Variants in CCDC152 observed in about 807,000 individuals in gnomAD.
CCDC152 encodes the protein coiled-coil domain containing 152, also known as coiled-coil domain-containing protein 152.
Under a neutral mutation model 38.1 loss-of-function variants are expected in CCDC152, and 37 were observed. The observed-to-expected ratio is 0.97, with a 90% CI of 0.75 to 1.28. The LOEUF is 1.28. CCDC152 is among the 50% of genes most tolerant of loss of function. CCDC152 has a pLI of 0.00. For synonymous variants in CCDC152, 83 were observed against 87.1 expected (o/e 0.95, Z 0.26); for missense variants, 259 against 292.1 (o/e 0.89, Z 0.83).
Position 42,799,364 on chromosome 5 carries a change from A to G in CCDC152, c.559-11A>G. 1 of 1,438,508 alleles carries G rather than the reference A, an allele frequency of 7.0e-7. No individual in the cohort carries two copies. Among genetic ancestry groups the G allele is most frequent in the Non-Finnish European group, 9.4e-7 (1 of 1,060,250 alleles). 89.1% of individuals were successfully genotyped at this position (1,438,508 alleles called of 1,614,324 possible). ...TAGAGTTTCAATAACTTTCTTTTCAATTTGATTCAGTTTGATGCCAAACTA... is the reference window on the plus strand; with the variant it reads ...TAGAGTTTCAATAACTTTCTTTTCAGTTTGATTCAGTTTGATGCCAAACTA... On this transcript the variant is annotated splice_polypyrimidine_tract_variant and intron_variant, in intron 7 of 8. Transcript: ENST00000361970.
At chr5:42,768,586 C>T (rs761479331) in intron 3 of CCDC152, among the ~76,000 whole-genome samples, 1 of 152,186 alleles carries the variant, frequency 6.6e-6, no homozygotes, top group South Asian at 2.1e-4. Flanking sequence ...AGCACAGTTG[C>T]TGAAGCCTTG....
At position 42,769,615 on chromosome 5, in the gene CCDC152, A is replaced by G. The variant is rs1317201520; in HGVS notation, c.212A>G (p.Asn71Ser). 1 of 1,492,530 alleles carries G rather than the reference A, an allele frequency of 6.7e-7. No homozygotes were observed. Among genetic ancestry groups the G allele is most frequent in the Admixed American group, 2.4e-5 (1 of 40,906 alleles). 92.5% of individuals were successfully genotyped at this position (1,492,530 alleles called of 1,614,324 possible). A position where few individuals can be genotyped will look rare whatever the true frequency, so the allele number is the denominator to read the frequency against. The change falls in exon 4 of 9, where the codon AAT (asparagine) becomes AGT (serine). Residue 71 changes from asparagine (N) to serine (S), a missense_variant. By Grantham distance (46) the Asn-to-Ser change is conservative (BLOSUM62 1). Transcript: ENST00000361970. ...SIKEECATLH[N>S]IIKGLQQTIE... is the part of the protein sequence containing the mutation. The stretch of plus-strand genomic sequence containing the variant: ...ATTTCAGAATGTGCTACTCTTCATA[A>G]TATAATAAAAGGGCTACAACAGACC...
chr5:42,767,919 T>C (rs1759647261), intron 3 of CCDC152, among the ~76,000 whole-genome samples: 1 of 152,198 alleles, frequency 6.6e-6, no homozygotes, highest in South Asian at 2.1e-4. Context: ...AAGCAGATTC[T>C]CAGCTAATTT....
chr5:42,774,646 A>G (rs990504129), intron 4 of CCDC152, among the ~76,000 whole-genome samples: 1 of 152,152 alleles, frequency 6.6e-6, no homozygotes, highest in Non-Finnish European at 1.5e-5. Flanking sequence ...TTACTGAAAG[A>G]CTGAGACCTA....
chr5:42,768,088 C>T (rs914475444), intron 3 of CCDC152, among the ~76,000 whole-genome samples: 2 of 152,152 alleles, frequency 1.3e-5, no homozygotes, highest in African/African-American at 4.8e-5. Context: ...AAGCTTTAAA[C>T]TTCTGCAAAA....
In CCDC152 at chr5:42,801,124, TATG is replaced by T. The variant is rs778708590; in HGVS notation, c.*1344_*1346del. On this transcript the variant is annotated 3_prime_UTR_variant, in exon 9 of 9. Coordinates refer to ENST00000361970, the MANE Select transcript of CCDC152 (RefSeq NM_001134848.2). ...CCCTGCCTATGCTGACCCTTGTGCT[TATG>T]GTGGTGATGAAGGCCTGGAGGAGCA... 1.4e-5 allele frequency: 22 copies of T among 1,614,022 alleles called. No homozygotes were observed. The highest frequency in any genetic ancestry group is 1.0e-5 in the Non-Finnish European group (12 of 1,180,028).
intron 6 of CCDC152, among the ~76,000 whole-genome samples, chr5:42,789,955 A>G (rs1483087520): frequency 6.6e-6 from 1 of 152,258 alleles, no homozygotes; most frequent in Non-Finnish European, 1.5e-5. Flanking sequence ...AGCACCAACA[A>G]TAAAGGCAAA....
intron 3 of CCDC152, among the ~76,000 whole-genome samples, chr5:42,763,961 A>C (rs927298095): frequency 1.3e-5 from 2 of 152,224 alleles, no homozygotes; most frequent in African/African-American, 4.8e-5. Flanking sequence ...AAAAATTAAT[A>C]AACTTTTTGG....
At position 42,793,401 on chromosome 5, in the gene CCDC152, C is replaced by T. The variant is rs547324543; in HGVS notation, c.431-3428C>T. ...GGTCCTCGAAACTCCTCAAACTATA[C>T]GCCTCAAAAGAGATTTTGCTATATA... On this transcript the variant is annotated intron_variant, in intron 6 of 8. Transcript: ENST00000361970. Among the ~76,000 whole-genome samples, 43 of 152,142 alleles carry T rather than the reference C, an allele frequency of 2.8e-4. No individual in the cohort carries two copies. The South Asian group carries it at 3.1e-3, about 11-fold the overall frequency.
intron 4 of CCDC152, among the ~76,000 whole-genome samples, chr5:42,770,107 T>C (rs971819321): frequency 2.6e-5 from 4 of 152,252 alleles, no homozygotes; most frequent in Non-Finnish European, 5.9e-5. Flanking sequence ...ATTCAGCTTA[T>C]CTTATCTGTA....
chr5:42,796,603 C>A (rs1760079482), intron 6 of CCDC152, among the ~76,000 whole-genome samples: 1 of 152,138 alleles, frequency 6.6e-6, no homozygotes. Context: ...GTTTAAATTA[C>A]CTTATTCATT....
intron 6 of CCDC152, among the ~76,000 whole-genome samples, chr5:42,788,064 T>G (rs1759946379): frequency 6.6e-6 from 1 of 152,244 alleles, no homozygotes; most frequent in Non-Finnish European, 1.5e-5. Flanking sequence ...GCTTTTATGA[T>G]AGCAAGTATT....
chr5:42,800,923 C>A lies in CCDC152; in HGVS notation c.*1142C>A. 1.9e-6 allele frequency: 3 copies of A among 1,614,226 alleles called. No homozygotes were observed. Among genetic ancestry groups the A allele is most frequent in the African/African-American group, 1.3e-5 (1 of 75,046 alleles). ...TTTTCTTTACACTGTCAGGTGATTG[C>A]AGACCCTGTTTTTTCAAATATCAGA... On this transcript the variant is annotated 3_prime_UTR_variant, in exon 9 of 9. Transcript: ENST00000361970.
At chr5:42,766,136 A>G (rs1759621570) in intron 3 of CCDC152, among the ~76,000 whole-genome samples, 1 of 152,210 alleles carries the variant, frequency 6.6e-6, no homozygotes, top group South Asian at 2.1e-4. Flanking sequence ...AAGAAGACAT[A>G]CAAATGGTAA....
Position 42,799,981 on chromosome 5 carries a change from G to T in CCDC152, c.*200G>T. The T allele has an allele frequency of 1.8e-6, 1 of 561,860 alleles. No individual in the cohort carries two copies. Among genetic ancestry groups the T allele is most frequent in the Non-Finnish European group, 3.0e-6 (1 of 333,422 alleles). The allele number at this position is 561,860 out of a possible 1,614,324, so 34.8% of individuals were successfully genotyped here. Reference sequence around the variant, plus strand: ...TAGTATTAACCATAAAGGAGGTCAGGTTTATAGGGTTTGGTTTACCTATTA... The same window carrying T: ...TAGTATTAACCATAAAGGAGGTCAGTTTTATAGGGTTTGGTTTACCTATTA... On this transcript the variant is annotated 3_prime_UTR_variant, in exon 9 of 9. Coordinates refer to ENST00000361970, the MANE Select transcript of CCDC152 (RefSeq NM_001134848.2).
intron 3 of CCDC152, among the ~76,000 whole-genome samples, chr5:42,764,470 A>AT (rs1229271802): frequency 3.3e-5 from 5 of 152,090 alleles, no homozygotes; most frequent in Non-Finnish European, 5.9e-5. Context: ...ACAAAGACAC[A>AT]TAAAAAAAAA....
chr5:42,801,238 G>A lies in CCDC152; in HGVS notation c.*1457G>A. 1 of 1,614,086 alleles carries A rather than the reference G, an allele frequency of 6.2e-7. No homozygotes were observed. The highest frequency in any genetic ancestry group is 8.5e-7 in the Non-Finnish European group (1 of 1,179,976). On this transcript the variant is annotated 3_prime_UTR_variant, in exon 9 of 9. Coordinates refer to ENST00000361970, the MANE Select transcript of CCDC152 (RefSeq NM_001134848.2). ...AGGTGCTGATGTCCATGATTGTGATGATGCTCATGATGGTAATGAGGCGAT... is the reference window on the plus strand; with the variant it reads ...AGGTGCTGATGTCCATGATTGTGATAATGCTCATGATGGTAATGAGGCGAT...
In CCDC152 at chr5:42,799,785, TAGC is replaced by T; in HGVS notation, c.*7_*9del. The T allele has an allele frequency of 6.5e-7, 1 of 1,546,820 alleles. No individual in the cohort carries two copies. The highest frequency in any genetic ancestry group is 8.7e-7 in the Non-Finnish European group (1 of 1,145,900). On this transcript the variant is annotated 3_prime_UTR_variant, in exon 9 of 9. Transcript: ENST00000361970. ...CCTTAAGCGTAGACGGTTTTGAGCT[TAGC>T]AGTAAATTCATTAGTTGGTATTTAT...
At chr5:42,793,873 T>C (rs1760038259) in intron 6 of CCDC152, among the ~76,000 whole-genome samples, 1 of 152,230 alleles carries the variant, frequency 6.6e-6, no homozygotes. Flanking sequence ...CCTCCCAAAG[T>C]GCTGGGATTA....
Sources: gnomAD v4.1 joint callset for allele counts (sites outside exome capture counted in the v4.1 genomes callset) on GRCh38, gnomAD v4.1.1 for gene constraint, MANE v1.5 for transcripts, NCBI Gene and HGNC (gene_info 2026-07-23, HGNC 2026-07-21) for gene names.